Variants in SKAP2 observed in about 807,000 individuals in gnomAD.
The protein encoded by SKAP2 is src kinase-associated phosphoprotein 2.
In SKAP2, 28 loss-of-function variants were observed where a neutral mutation model predicts 54.9. The ratio of observed to expected loss-of-function variants is 0.51; its 90% CI spans 0.38 to 0.70. The LOEUF is 0.70. SKAP2 is among the 30% of genes least tolerant of loss of function. The pLI, the probability that SKAP2 is intolerant of heterozygous loss-of-function variation, is 0.00. For synonymous variants in SKAP2, 137 were observed against 134.3 expected (o/e 1.02, Z -0.14); for missense variants, 356 against 424.1 (o/e 0.84, Z 1.41).
chr7:26,661,691 A>G, the SKAP2 span, among the ~76,000 whole-genome samples: 3 of 152,184 alleles, frequency 2.0e-5, no homozygotes, highest in Non-Finnish European at 4.4e-5. Flanking sequence ...GATTATTTGC[A>G]TCAATTTCTG....
intron 9 of SKAP2, among the ~76,000 whole-genome samples, chr7:26,715,604 C>G (rs560102406): frequency 3.7e-4 from 56 of 152,176 alleles, no homozygotes; most frequent in Middle Eastern, 3.4e-3. Context: ...TGGTGAAACC[C>G]CGTCTCTACT....
intron 3 of SKAP2, among the ~76,000 whole-genome samples, chr7:26,852,984 G>A (rs1785078530): frequency 6.6e-6 from 1 of 151,870 alleles, no homozygotes; most frequent in South Asian, 2.1e-4. Context: ...CATAGTTTAG[G>A]ATTTCTTGTA....
intron 4 of SKAP2, among the ~76,000 whole-genome samples, chr7:26,794,206 C>A (rs188342152): frequency 2.0e-5 from 3 of 152,204 alleles, no homozygotes; most frequent in Admixed American, 1.3e-4. Flanking sequence ...ATAAAAATTA[C>A]AAAGCCAATA....
chr7:26,843,032 G>A (rs1324241251), intron 4 of SKAP2, among the ~76,000 whole-genome samples: 1 of 152,020 alleles, frequency 6.6e-6, no homozygotes, highest in Non-Finnish European at 1.5e-5. Flanking sequence ...TGGTTAGAAT[G>A]TTTATCACTT....
At chr7:26,711,294 T>C (rs7777645) in intron 9 of SKAP2, among the ~76,000 whole-genome samples, 21,674 of 152,144 alleles carry the variant, frequency 0.14, 2,451 homozygotes, top group African/African-American at 0.31. Flanking sequence ...TTTTTTTCTA[T>C]AGTTAGATTT....
intron 6 of SKAP2, among the ~76,000 whole-genome samples, chr7:26,731,587 T>C (rs1455440282): frequency 6.6e-6 from 1 of 152,190 alleles, no homozygotes; most frequent in Non-Finnish European, 1.5e-5. Context: ...TTTATCCAAA[T>C]CTTCATCTGC....
rs537938864 is a variant in SKAP2, at chr7:26,701,649, C to T, written c.797-11287G>A. 2.8e-4 allele frequency among the ~76,000 whole-genome samples: 43 copies of T among 152,100 alleles called. 1 individual carries two copies. In the South Asian group the frequency reaches 6.9e-3, roughly 24 times the overall value. On this transcript the variant is annotated intron_variant, in intron 9 of 12. Transcript: ENST00000345317. Reference sequence around the variant, plus strand: ...CTGAGGCAGGAGGACTGCTTGAACCCGGGAGGTGGAGGTTGCAGTGAGCTG... The same window carrying T: ...CTGAGGCAGGAGGACTGCTTGAACCTGGGAGGTGGAGGTTGCAGTGAGCTG...
intron 4 of SKAP2, among the ~76,000 whole-genome samples, chr7:26,769,831 G>T (rs1004060584): frequency 0.034 from 4 of 116 alleles, no homozygotes; most frequent in African/African-American, 0.11. Context: ...TGGAAGCTTT[G>T]TCCCAGAGGG....
chr7:26,829,796 G>A (rs750126823), intron 4 of SKAP2, among the ~76,000 whole-genome samples: 30 of 152,198 alleles, frequency 2.0e-4, no homozygotes, highest in African/African-American at 5.8e-4. Context: ...CCCACATATC[G>A]CTGGCTGGAA....
chr7:26,776,048 T>C (rs1331350433), intron 4 of SKAP2, among the ~76,000 whole-genome samples: 1 of 152,186 alleles, frequency 6.6e-6, no homozygotes, highest in Non-Finnish European at 1.5e-5. Flanking sequence ...GCATATTCAA[T>C]GGACAATTTT....
intron 1 of SKAP2, among the ~76,000 whole-genome samples, chr7:26,863,858 T>C (rs1293693352): frequency 1.3e-5 from 2 of 152,086 alleles, no homozygotes; most frequent in East Asian, 3.9e-4. Flanking sequence ...GTTTTAGAAA[T>C]GACAAACTCT....
downstream of SKAP2, among the ~76,000 whole-genome samples, chr7:26,666,565 T>G (rs1041020270): frequency 6.6e-6 from 1 of 151,966 alleles, no homozygotes; most frequent in Non-Finnish European, 1.5e-5. Context: ...TAGCAAAAAG[T>G]GAAACAAAAC....
chr7:26,687,533 A>G (rs1392740561), intron 10 of SKAP2, among the ~76,000 whole-genome samples: 1 of 151,998 alleles, frequency 6.6e-6, no homozygotes, highest in Non-Finnish European at 1.5e-5. Flanking sequence ...AATCGTAAGT[A>G]GGGGGAAAAA....
In SKAP2 at chr7:26,714,201, T is replaced by G. The variant is rs559760630; in HGVS notation, c.796+11227A>C. Among the ~76,000 whole-genome samples, 10 of 152,292 alleles carry G rather than the reference T, an allele frequency of 6.6e-5. No homozygotes were observed. The South Asian group carries it at 2.1e-3, about 32-fold the overall frequency. ...TAAGAGAAGCACGATTAGGTTGTAG[T>G]TCCTTGAACCAGGATGTGAAAAGAG... On this transcript the variant is annotated intron_variant, in intron 9 of 12. Coordinates refer to ENST00000345317, the MANE Select transcript of SKAP2 (RefSeq NM_003930.5).
chr7:26,781,323 A>G (rs928762273), intron 4 of SKAP2, among the ~76,000 whole-genome samples: 11 of 152,126 alleles, frequency 7.2e-5, no homozygotes, highest in Non-Finnish European at 1.5e-4. Context: ...TCCTTCATTT[A>G]AAAAAATGAA....
intron 9 of SKAP2, among the ~76,000 whole-genome samples, chr7:26,692,129 G>C (rs1254334608): frequency 2.0e-5 from 3 of 152,060 alleles, no homozygotes; most frequent in Non-Finnish European, 4.4e-5. Context: ...AAATGGAAAG[G>C]AGATGGTTAT....
At chr7:26,751,487 T>C (rs951980859) in intron 4 of SKAP2, among the ~76,000 whole-genome samples, 1 of 152,188 alleles carries the variant, frequency 6.6e-6, no homozygotes, top group African/African-American at 2.4e-5. Flanking sequence ...CATAGGTAAA[T>C]AGTATACCTG....
intron 4 of SKAP2, among the ~76,000 whole-genome samples, chr7:26,784,125 CAA>C (rs376577431): frequency 5.0e-5 from 7 of 138,834 alleles, no homozygotes; most frequent in Non-Finnish European, 9.4e-5. Flanking sequence ...AGGGACATTC[CAA>C]AAAAAAAAAA....
chr7:26,740,662 T>C (rs1009323067), intron 4 of SKAP2, among the ~76,000 whole-genome samples: 2 of 152,182 alleles, frequency 1.3e-5, no homozygotes, highest in Non-Finnish European at 2.9e-5. Flanking sequence ...TTTACAAGTG[T>C]TCAATATTTT....
Sources: gnomAD v4.1 joint callset for allele counts (sites outside exome capture counted in the v4.1 genomes callset) on GRCh38, gnomAD v4.1.1 for gene constraint, MANE v1.5 for transcripts, NCBI Gene and HGNC (gene_info 2026-07-23, HGNC 2026-07-21) for gene names.